The following ZNF676 variants were observed in gnomAD, a reference collection of about 807,000 sequenced individuals.
ZNF676 encodes the protein zinc finger protein 676.
Under a neutral mutation model 6.0 loss-of-function variants are expected in ZNF676, and 4 were observed. That is an observed-to-expected ratio of 0.67 (90% CI 0.33 to 1.53). ZNF676 has a LOEUF of 1.53. Ranked by LOEUF, ZNF676 falls within the 40% of genes most tolerant of loss-of-function variation. ZNF676 has a pLI of 0.06. For missense variants in ZNF676, 644 were observed against 679.7 expected (o/e 0.95, Z 0.58); for synonymous variants, 198 against 223.1 (o/e 0.89, Z 1.00).
chr19:22,239,606 T>C, the ZNF676 span, among the ~76,000 whole-genome samples: 1 of 152,218 alleles, frequency 6.6e-6, no homozygotes, highest in African/African-American at 2.4e-5. Context: ...ACTTGCATAC[T>C]GGGCCCTGGG....
the ZNF676 span, chr19:22,244,869 G>T: frequency 2.6e-5 from 4 of 152,220 alleles, no homozygotes; most frequent in African/African-American, 4.8e-5. Flanking sequence ...CCAAAAATAT[G>T]CATGGCTCAG....
At position 22,179,397 on chromosome 19, in the gene ZNF676, T is replaced by C. The variant is rs556864773; in HGVS notation, c.*553A>G. 1.4e-4 allele frequency: 42 copies of C among 301,364 alleles called. 1 individual carries two copies. In the South Asian group the frequency reaches 1.5e-3, roughly 11 times the overall value. The allele number at this position is 301,364 out of a possible 1,614,324, so 18.7% of individuals were successfully genotyped here. ...TCTCCAGTATGAGTTGTCTTATATG[T>C]AGTAAGCCTTAAGGACTGGTTAAAG... On this transcript the variant is annotated 3_prime_UTR_variant, in exon 3 of 3. Coordinates refer to ENST00000397121, the MANE Select transcript of ZNF676 (RefSeq NM_001001411.3).
chr19:22,250,010 C>A, the ZNF676 span, among the ~76,000 whole-genome samples: 1 of 151,590 alleles, frequency 6.6e-6, no homozygotes, highest in Non-Finnish European at 1.5e-5. Flanking sequence ...TGGTGAAACC[C>A]GTCTCTACTA....
chr19:22,247,801 C>T, the ZNF676 span, among the ~76,000 whole-genome samples: 2 of 152,062 alleles, frequency 1.3e-5, no homozygotes, highest in South Asian at 2.1e-4. Flanking sequence ...GTGCGTGACA[C>T]GATTAGGCAT....
upstream of ZNF676, among the ~76,000 whole-genome samples, chr19:22,201,704 C>A (rs1284116535): frequency 8.8e-6 from 1 of 113,882 alleles, no homozygotes; most frequent in Non-Finnish European, 1.6e-5. Flanking sequence ...CTTTCATTAG[C>A]AGCACTTACA....
At chr19:22,254,487 C>A in the ZNF676 span, among the ~76,000 whole-genome samples, 3 of 152,192 alleles carry the variant, frequency 2.0e-5, no homozygotes, top group Admixed American at 1.3e-4. Context: ...TAACAATACC[C>A]AAGATATGCT....
chr19:22,234,233 C>G, the ZNF676 span, among the ~76,000 whole-genome samples: 1 of 152,156 alleles, frequency 6.6e-6, no homozygotes, highest in African/African-American at 2.4e-5. Flanking sequence ...TATACAGAAC[C>G]GTCTGTAAAT....
chr19:22,228,751 C>A, the ZNF676 span, among the ~76,000 whole-genome samples: 15 of 152,274 alleles, frequency 9.9e-5, no homozygotes, highest in African/African-American at 3.4e-4. Flanking sequence ...AGCTCCCATT[C>A]ACAATTGCTA....
chr19:22,259,675 G>T, the ZNF676 span: 60 of 152,138 alleles, frequency 3.9e-4, 1 homozygote, highest in African/African-American at 1.4e-3. Flanking sequence ...AAATAGTTTT[G>T]AGCTTTCAGA....
the ZNF676 span, among the ~76,000 whole-genome samples, chr19:22,252,467 G>A: frequency 2.7e-5 from 4 of 150,826 alleles, no homozygotes; most frequent in South Asian, 2.1e-4. Flanking sequence ...AAATCACCTA[G>A]GCGCTGGGCC....
In ZNF676 at chr19:22,179,921, C is replaced by G; in HGVS notation, c.*29G>C. 6.3e-7 allele frequency: 1 copy of G among 1,593,706 alleles called. No homozygotes were observed. The highest frequency in any genetic ancestry group is 8.6e-7 in the Non-Finnish European group (1 of 1,165,558). Reference sequence around the variant, plus strand: ...TTATGTTTACTAGACTGAGAATCAGCTGAAGGATTTACCACATTCTTCACA... The same window carrying G: ...TTATGTTTACTAGACTGAGAATCAGGTGAAGGATTTACCACATTCTTCACA... On this transcript the variant is annotated 3_prime_UTR_variant, in exon 3 of 3. Transcript: ENST00000397121.
At chr19:22,228,571 G>A in the ZNF676 span, among the ~76,000 whole-genome samples, 19 of 152,278 alleles carry the variant, frequency 1.2e-4, no homozygotes, top group Admixed American at 6.5e-5. Flanking sequence ...AATTGTCTCT[G>A]TTTGCAGATG....
chr19:22,220,699 C>T (rs1052860285), upstream of ZNF676, among the ~76,000 whole-genome samples: 10 of 151,990 alleles, frequency 6.6e-5, no homozygotes, highest in Admixed American at 1.3e-4. Flanking sequence ...TCAAGTGATC[C>T]CCCCACCTCG....
At chr19:22,198,544 C>A (rs1276093576), upstream of ZNF676, among the ~76,000 whole-genome samples, 1 of 151,998 alleles carries the variant, frequency 6.6e-6, no homozygotes, top group Non-Finnish European at 1.5e-5. Context: ...TTCTCTTTCT[C>A]CTCCTTCCCT....
At chr19:22,240,745 T>C in the ZNF676 span, among the ~76,000 whole-genome samples, 1 of 151,852 alleles carries the variant, frequency 6.6e-6, no homozygotes, top group South Asian at 2.1e-4. Context: ...TGAAACAAGA[T>C]CATGCTACTG....
At chr19:22,253,442 G>GTA in the ZNF676 span, among the ~76,000 whole-genome samples, 2 of 88,232 alleles carry the variant, frequency 2.3e-5, no homozygotes, top group African/African-American at 7.7e-5. Context: ...ATATGATAAT[G>GTA]TGTATATATA....
At chr19:22,242,852 GC>G in the ZNF676 span, among the ~76,000 whole-genome samples, 1 of 151,264 alleles carries the variant, frequency 6.6e-6, no homozygotes, top group African/African-American at 2.4e-5. Flanking sequence ...TTGGGGGGGG[GC>G]TCTCATGAGA....
At chr19:22,182,128 G>C (rs80238602) in intron 2 of ZNF676, among the ~76,000 whole-genome samples, 40 of 152,142 alleles carry the variant, frequency 2.6e-4, no homozygotes, top group African/African-American at 9.6e-4. Flanking sequence ...GTGCCACAGA[G>C]AGAGTACAGG....
At chr19:22,219,981 C>T (rs146476057), upstream of ZNF676, among the ~76,000 whole-genome samples, 2,989 of 152,172 alleles carry the variant, frequency 0.02, 42 homozygotes, top group Non-Finnish European at 0.028. Context: ...TATGACCTTA[C>T]AATATGTTCC....
Sources: allele counts gnomAD v4.1 joint callset (sites outside exome capture counted in the v4.1 genomes callset), GRCh38; gene constraint gnomAD v4.1.1; transcripts MANE v1.5; gene names NCBI Gene and HGNC (gene_info 2026-07-23, HGNC 2026-07-21).